The following DOCK10 variants were observed in gnomAD, a reference collection of about 807,000 sequenced individuals.
The protein encoded by DOCK10 is dedicator of cytokinesis 10.
DOCK10 carries 145 observed loss-of-function variants against 280.1 expected under a neutral mutation model. The observed-to-expected ratio is 0.52, with a 90% CI of 0.45 to 0.59. The LOEUF (loss-of-function observed/expected upper bound fraction) is 0.59, where lower values mean the gene tolerates loss of function less well. Ranked by LOEUF, DOCK10 falls within the 20% of genes least tolerant of loss-of-function variation. The pLI, the probability that DOCK10 is intolerant of heterozygous loss-of-function variation, is 0.00. For missense variants in DOCK10, 2,368 were observed against 2,651.7 expected (o/e 0.89, Z 2.35); for synonymous variants, 915 against 942.2 (o/e 0.97, Z 0.53).
intron 25 of DOCK10, among the ~76,000 whole-genome samples, chr2:224,836,774 T>A (rs956282546): frequency 6.6e-6 from 1 of 152,056 alleles, no homozygotes; most frequent in African/African-American, 2.4e-5. Flanking sequence ...TAATTTTTTG[T>A]ATTTTTAGTA....
At chr2:224,804,767 T>G in intron 38 of DOCK10, 27 bp downstream of exon 38, 1 of 1,413,576 alleles carries the variant, frequency 7.1e-7, no homozygotes, top group East Asian at 2.6e-5. Flanking sequence ...AAGACCAGAT[T>G]AACCTATTGG....
chr2:224,831,656 T>C (rs369967779), intron 26 of DOCK10, among the ~76,000 whole-genome samples: 3 of 152,362 alleles, frequency 2.0e-5, no homozygotes, highest in East Asian at 3.9e-4. Context: ...TGTTCCTACT[T>C]AGGGCTTTGC....
intron 1 of DOCK10, among the ~76,000 whole-genome samples, chr2:225,031,276 G>A (rs1003654653): frequency 1.3e-5 from 2 of 152,160 alleles, no homozygotes; most frequent in African/African-American, 2.4e-5. Flanking sequence ...TTTCCATACT[G>A]TATTATCCTA....
At chr2:224,802,611 A>G (rs1693091348) in intron 39 of DOCK10, among the ~76,000 whole-genome samples, 1 of 152,124 alleles carries the variant, frequency 6.6e-6, no homozygotes, top group African/African-American at 2.4e-5. Flanking sequence ...CAGGGCAATG[A>G]CAATGGCCTG....
intron 2 of DOCK10, among the ~76,000 whole-genome samples, chr2:224,923,598 G>C (rs371834283): frequency 1.3e-4 from 20 of 152,182 alleles, no homozygotes; most frequent in East Asian, 1.2e-3. Flanking sequence ...CTGCAGACAT[G>C]GTCTAGGGAA....
chr2:224,814,523 T>C (rs1160017639), intron 30 of DOCK10, among the ~76,000 whole-genome samples, 159 bp from the exon 31 acceptor site: 1 of 152,146 alleles, frequency 6.6e-6, no homozygotes. Context: ...CTTAGGTTAT[T>C]TGTTTCCTTT....
At chr2:224,855,439 G>C (rs916671761) in intron 15 of DOCK10, among the ~76,000 whole-genome samples, 1 of 152,154 alleles carries the variant, frequency 6.6e-6, no homozygotes, top group African/African-American at 2.4e-5. Flanking sequence ...AAGAAGTTTT[G>C]AGAGCAAGCT....
chr2:224,875,937 G>A, intron 8 of DOCK10, 101 bp downstream of exon 8: 1 of 1,192,538 alleles, frequency 8.4e-7, no homozygotes, highest in African/African-American at 1.5e-5. Flanking sequence ...CAGGATGGAT[G>A]AGCTAGACCA....
intron 4 of DOCK10, among the ~76,000 whole-genome samples, chr2:224,892,427 G>GAAAGAAAAAA (rs1699745324): frequency 1.1e-5 from 1 of 93,970 alleles, no homozygotes; most frequent in South Asian, 2.9e-4. Context: ...AAAAAAGAAA[G>GAAAGAAAAAA]AAAGAAAAGA....
chr2:224,997,946 G>A (rs1292696105), intron 1 of DOCK10, among the ~76,000 whole-genome samples: 2 of 152,164 alleles, frequency 1.3e-5, no homozygotes, highest in African/African-American at 2.4e-5. Flanking sequence ...GGGTGTGGGC[G>A]TGTAGGCATG....
At position 224,834,172 on chromosome 2, in the gene DOCK10, G is replaced by T; in HGVS notation, c.2942C>A (p.Thr981Lys). 1 of 1,610,812 alleles carries T rather than the reference G, an allele frequency of 6.2e-7. No individual in the cohort carries two copies. Among genetic ancestry groups the T allele is most frequent in the Non-Finnish European group, 8.5e-7 (1 of 1,177,048 alleles). ...VTGLLKSNDS[T>K]TVKHVLKHSW... ...TACCTTTAGGACATGCTTTACTGTT[G>T]TTGAGTCATTTGATTTCAAAAGACC... The change falls in exon 26 of 56, where the codon ACA (threonine) becomes AAA (lysine). Residue 981 changes from threonine to lysine, a missense_variant. This residue lies in a region of DOCK10 where 1,209 missense variants were observed against 1,250.9 expected (regional missense o/e 0.97). Transcript: ENST00000258390.
intron 13 of DOCK10, 131 bp from the exon 14 acceptor site, chr2:224,862,877 T>A (rs2125614665): frequency 1.9e-6 from 1 of 522,738 alleles, no homozygotes; most frequent in East Asian, 3.2e-5. Flanking sequence ...CTAGCCCCTA[T>A]TACCTTATAA....
chr2:224,888,236 TG>T (rs559642973), intron 4 of DOCK10, among the ~76,000 whole-genome samples: 455 of 151,858 alleles, frequency 3.0e-3, no homozygotes, highest in African/African-American at 0.011. Flanking sequence ...TGTGTGTGTG[TG>T]TGTGTGTGTG....
intron 1 of DOCK10, among the ~76,000 whole-genome samples, chr2:224,967,887 T>G (rs1202092147): frequency 3.9e-5 from 6 of 152,116 alleles, no homozygotes; most frequent in Non-Finnish European, 7.3e-5. Flanking sequence ...ATTTTTCTCA[T>G]AGTATATACT....
At chr2:224,904,338 C>G (rs949616499) in intron 3 of DOCK10, among the ~76,000 whole-genome samples, 1 of 152,002 alleles carries the variant, frequency 6.6e-6, no homozygotes, top group Non-Finnish European at 1.5e-5. Flanking sequence ...CCAAAACCCC[C>G]AAAACAAAAC....
intron 2 of DOCK10, among the ~76,000 whole-genome samples, chr2:224,921,994 C>T (rs959234334): frequency 6.6e-5 from 10 of 151,874 alleles, no homozygotes; most frequent in African/African-American, 2.2e-4. Flanking sequence ...TGGCACATGC[C>T]TGCAATCCCA....
chr2:224,789,190 A>G lies in DOCK10; in HGVS notation c.5312-20T>C. The G allele has an allele frequency of 6.5e-7, 1 of 1,527,466 alleles. No homozygotes were observed. Among genetic ancestry groups the G allele is most frequent in the Non-Finnish European group, 9.0e-7 (1 of 1,104,998 alleles). 94.6% of individuals were successfully genotyped at this position (1,527,466 alleles called of 1,614,324 possible). A position where few individuals can be genotyped will look rare whatever the true frequency, so the allele number is the denominator to read the frequency against. ...ACATGCCTTGGGAGGACCAAGCAGAATAAAACATTATTATTTGAGACAAAT... is the reference window on the plus strand; with the variant it reads ...ACATGCCTTGGGAGGACCAAGCAGAGTAAAACATTATTATTTGAGACAAAT... On this transcript the variant is annotated intron_variant, in intron 47 of 55. Coordinates refer to ENST00000258390, the MANE Select transcript of DOCK10 (RefSeq NM_014689.3).
chr2:224,834,104 C>T, intron 26 of DOCK10, 46 bp downstream of exon 26: 6 of 1,135,534 alleles, frequency 5.3e-6, no homozygotes, highest in Non-Finnish European at 6.7e-6. Context: ...GTAAGCGTGA[C>T]CCATGCCTAG....
intron 1 of DOCK10, among the ~76,000 whole-genome samples, chr2:224,956,344 C>T (rs1052858984): frequency 2.6e-5 from 4 of 152,142 alleles, no homozygotes; most frequent in South Asian, 2.1e-4. Flanking sequence ...CATCCATTGG[C>T]GGGCACGGTG....
Sources: allele counts gnomAD v4.1 joint callset (sites outside exome capture counted in the v4.1 genomes callset), GRCh38; gene constraint gnomAD v4.1.1; regional missense constraint gnomAD v4.1.1; transcripts MANE v1.5; gene names NCBI Gene and HGNC (gene_info 2026-07-23, HGNC 2026-07-21).